RBM47: variants seen among roughly 807,000 people sequenced by gnomAD.
The protein encoded by RBM47 is RNA-binding protein 47.
In RBM47, 21 loss-of-function variants were observed where a neutral mutation model predicts 47.1. The observed-to-expected ratio is 0.45, with a 90% CI of 0.32 to 0.64. The LOEUF is 0.64. Ranked by LOEUF, RBM47 falls within the 30% of genes least tolerant of loss-of-function variation. The pLI is 0.05. For missense variants in RBM47, 708 were observed against 870.9 expected, an observed-to-expected ratio of 0.81 and a Z score of 2.35; for synonymous variants, 375 against 361.7, an observed-to-expected ratio of 1.04 and a Z score of -0.42.
chr4:40,451,368 T>C (rs905348541), intron 3 of RBM47, among the ~76,000 whole-genome samples: 15 of 152,148 alleles, frequency 9.9e-5, no homozygotes, highest in Non-Finnish European at 2.1e-4. Context: ...ATGGTTCTGT[T>C]GTCTAATTGA....
intron 1 of RBM47, among the ~76,000 whole-genome samples, chr4:40,571,515 T>C (rs988675640): frequency 1.3e-5 from 2 of 152,000 alleles, no homozygotes; most frequent in East Asian, 1.9e-4. Context: ...CAAGAAAACA[T>C]AGGAGAATCT....
intron 1 of RBM47, among the ~76,000 whole-genome samples, chr4:40,568,427 TCAAA>T (rs1436805504): frequency 3.7e-5 from 1 of 27,192 alleles, no homozygotes; most frequent in Admixed American, 5.5e-4. Context: ...AAACCCTGTC[TCAAA>T]AAAAAAAAAA....
At chr4:40,581,100 A>G (rs11736780) in intron 1 of RBM47, among the ~76,000 whole-genome samples, 13,837 of 152,250 alleles carry the variant, frequency 0.091, 650 homozygotes, top group East Asian at 0.13. Context: ...CTCATGAGCC[A>G]TAGGAGGGAG....
intron 1 of RBM47, among the ~76,000 whole-genome samples, chr4:40,578,583 C>T (rs1162066092): frequency 6.6e-6 from 1 of 152,216 alleles, no homozygotes; most frequent in African/African-American, 2.4e-5. Flanking sequence ...TTTCTTTCTA[C>T]ATGCCCACCA....
At chr4:40,483,731 C>A (rs1720729677) in intron 2 of RBM47, among the ~76,000 whole-genome samples, 1 of 152,136 alleles carries the variant, frequency 6.6e-6, no homozygotes, top group Non-Finnish European at 1.5e-5. Context: ...CAGTACAATA[C>A]AATACACTAT....
intron 3 of RBM47, among the ~76,000 whole-genome samples, chr4:40,465,438 T>C (rs995710072): frequency 1.7e-4 from 26 of 152,218 alleles, no homozygotes; most frequent in African/African-American, 6.3e-4. Context: ...GGAGGGCAGA[T>C]TGCCTGAGCT....
intron 4 of RBM47, 147 bp from the exon 5 acceptor site, chr4:40,436,794 T>C (rs762247169): frequency 1.3e-6 from 1 of 768,296 alleles, no homozygotes; most frequent in Non-Finnish European, 2.3e-6. Context: ...GTAAAGATGC[T>C]TCCAACATTC....
chr4:40,469,133 C>T (rs183084006), intron 2 of RBM47, among the ~76,000 whole-genome samples: 1 of 152,176 alleles, frequency 6.6e-6, no homozygotes, highest in African/African-American at 2.4e-5. Flanking sequence ...ATTATTTGTG[C>T]AGAATTTTGA....
chr4:40,503,920 C>T (rs1013313842), intron 2 of RBM47, among the ~76,000 whole-genome samples: 1 of 152,020 alleles, frequency 6.6e-6, no homozygotes, highest in Non-Finnish European at 1.5e-5. Flanking sequence ...CACCTGTAAT[C>T]CCAGCACTTT....
chr4:40,525,646 A>G (rs1294948437), intron 2 of RBM47, among the ~76,000 whole-genome samples: 1 of 149,688 alleles, frequency 6.7e-6, no homozygotes. Context: ...GAGGAAGGGG[A>G]AAAAAAGGAT....
chr4:40,538,985 G>C (rs547482432), intron 2 of RBM47, among the ~76,000 whole-genome samples: 24 of 152,030 alleles, frequency 1.6e-4, no homozygotes, highest in Non-Finnish European at 2.9e-4. Flanking sequence ...ACTCTGCTGG[G>C]GCCAGGATAG....
intron 1 of RBM47, among the ~76,000 whole-genome samples, chr4:40,617,578 C>CATTTAAT (rs913433579): frequency 1.3e-5 from 2 of 151,542 alleles, no homozygotes; most frequent in African/African-American, 4.9e-5. Context: ...ATAAATATGG[C>CATTTAAT]ATTTAATATT....
At chr4:40,582,445 A>G (rs1733047383) in intron 1 of RBM47, among the ~76,000 whole-genome samples, 1 of 152,164 alleles carries the variant, frequency 6.6e-6, no homozygotes, top group Non-Finnish European at 1.5e-5. Flanking sequence ...GAGGCAGGAG[A>G]ATCGCTTCAA....
At position 40,437,914 on chromosome 4, in the gene RBM47, T is replaced by C; in HGVS notation, c.980A>G (p.Tyr327Cys). The change falls in exon 4 of 7, where the codon TAC (tyrosine) becomes TGC (cysteine). Residue 327 changes from tyrosine to cysteine, a missense_variant. Transcript: ENST00000295971. ...KPVDKEQYSR[Y>C]QKAARGGGAA... ...GCCGCCGCCCCTGGCTGCCTTCTGG[T>C]AGCGCGAGTACTGCTCCTTGTCCAC... The C allele has an allele frequency of 1.2e-6, 2 of 1,613,848 alleles. No individual in the cohort carries two copies. The highest frequency in any genetic ancestry group is 1.1e-5 in the South Asian group (1 of 91,072).
At chr4:40,456,635 G>A (rs1391807782) in intron 3 of RBM47, among the ~76,000 whole-genome samples, 1 of 135,138 alleles carries the variant, frequency 7.4e-6, no homozygotes, top group African/African-American at 2.8e-5. Flanking sequence ...GCATGATCAC[G>A]GCTCACTGCA....
chr4:40,608,104 A>G (rs1301687427), intron 1 of RBM47, among the ~76,000 whole-genome samples: 6 of 151,274 alleles, frequency 4.0e-5, no homozygotes, highest in East Asian at 1.9e-4. Context: ...TCCATCTCCA[A>G]AAAAAAAAGG....
At chr4:40,485,570 G>T (rs1394437301) in intron 2 of RBM47, among the ~76,000 whole-genome samples, 1 of 152,124 alleles carries the variant, frequency 6.6e-6, no homozygotes, top group African/African-American at 2.4e-5. Context: ...GCTTATCACA[G>T]TATGTTTTTA....
Position 40,628,578 on chromosome 4 carries a change from C to T in RBM47, c.-240+818G>A, listed in dbSNP as rs1737947416. Among the ~76,000 whole-genome samples the T allele has an allele frequency of 1.3e-5, 2 of 152,076 alleles. No homozygotes were observed. Among genetic ancestry groups the T allele is most frequent in the African/African-American group, 2.4e-5 (1 of 41,390 alleles). On this transcript the variant is annotated intron_variant, in intron 1 of 6. Coordinates refer to ENST00000295971, the MANE Select transcript of RBM47 (RefSeq NM_001098634.2). The surrounding 1 kb of genome is among the most constrained non-coding windows in gnomAD (Gnocchi z 4.0). ...TCCCTCCCCTGAGAAATTCGTATGACCTTGCCTTAAAACTTTTAAAGAATA... is the reference window on the plus strand; with the variant it reads ...TCCCTCCCCTGAGAAATTCGTATGATCTTGCCTTAAAACTTTTAAAGAATA...
At chr4:40,536,930 T>C (rs189424875) in intron 2 of RBM47, among the ~76,000 whole-genome samples, 2 of 152,184 alleles carry the variant, frequency 1.3e-5, no homozygotes, top group Admixed American at 1.3e-4. Flanking sequence ...GGTTTCACCA[T>C]GTTGGCCAGG....
Sources: allele counts gnomAD v4.1 joint callset (sites outside exome capture counted in the v4.1 genomes callset), GRCh38; gene constraint gnomAD v4.1.1; non-coding constraint Gnocchi (gnomAD v3.1); transcripts MANE v1.5; gene names NCBI Gene and HGNC (gene_info 2026-07-23, HGNC 2026-07-21).